The following PGPEP1L variants were observed in gnomAD, a reference collection of about 807,000 sequenced individuals.
PGPEP1L encodes pyroglutamyl-peptidase I like, also known as pyroglutamyl-peptidase 1-like protein.
Under a neutral mutation model 6.0 loss-of-function variants are expected in PGPEP1L, and 7 were observed. The ratio of observed to expected loss-of-function variants is 1.17; its 90% CI spans 0.66 to 2.19. The LOEUF (loss-of-function observed/expected upper bound fraction) is 2.19. Ranked by LOEUF, PGPEP1L falls within the 30% of genes most tolerant of loss-of-function variation. The pLI, the probability that PGPEP1L is intolerant of heterozygous loss-of-function variation, is 0.00. For synonymous variants in PGPEP1L, 103 were observed against 83.9 expected (o/e 1.23, Z -1.24); for missense variants, 209 against 192.5 (o/e 1.09, Z -0.51).
chr15:98,968,346 T>C lies in PGPEP1L; in HGVS notation c.*132A>G, dbSNP rs1245618399. The C allele has an allele frequency of 7.0e-6, 6 of 859,470 alleles. No homozygotes were observed. Among genetic ancestry groups the C allele is most frequent in the Non-Finnish European group, 1.1e-5 (6 of 553,378 alleles). 53.2% of individuals were successfully genotyped at this position (859,470 alleles called of 1,614,324 possible). On this transcript the variant is annotated 3_prime_UTR_variant, in exon 5 of 5. Coordinates refer to ENST00000535714, the MANE Select transcript of PGPEP1L (RefSeq NM_001167902.2). ...GACAATAAAATAACCCTTTGTGATT[T>C]TGTTGGGCTAATTCAGAGTTTTCCA... is the stretch of plus-strand genomic sequence containing the variant.
chr15:98,987,278 G>A (rs1555471609), intron 2 of PGPEP1L, among the ~76,000 whole-genome samples: 1 of 151,400 alleles, frequency 6.6e-6, no homozygotes, highest in Non-Finnish European at 1.5e-5. Flanking sequence ...CCCTGATATT[G>A]GAGTGTTGGT....
At chr15:98,974,205 C>T (rs1173596445) in intron 2 of PGPEP1L, among the ~76,000 whole-genome samples, 1 of 151,810 alleles carries the variant, frequency 6.6e-6, no homozygotes, top group Non-Finnish European at 1.5e-5. Context: ...GGCACGAACC[C>T]GTCTGTACTA....
chr15:98,997,171 C>G (rs2017899756), intron 2 of PGPEP1L, among the ~76,000 whole-genome samples: 1 of 152,162 alleles, frequency 6.6e-6, no homozygotes, highest in South Asian at 2.1e-4. Context: ...CCCATGAAAG[C>G]CCCAAGCTGG....
intron 2 of PGPEP1L, among the ~76,000 whole-genome samples, chr15:99,003,907 A>C (rs1485022314): frequency 6.8e-6 from 1 of 148,106 alleles, no homozygotes; most frequent in Non-Finnish European, 1.5e-5. Flanking sequence ...GAACCATTCA[A>C]TCTCCAGAAC....
intron 4 of PGPEP1L, 126 bp from the exon 5 acceptor site, chr15:98,968,823 TGTG>T: frequency 1.2e-6 from 1 of 864,826 alleles, no homozygotes; most frequent in South Asian, 1.6e-5. Flanking sequence ...AAGGGAGACT[TGTG>T]TTGTTTCACC....
At chr15:98,983,040 A>G (rs1803059183) in intron 2 of PGPEP1L, among the ~76,000 whole-genome samples, 1 of 152,154 alleles carries the variant, frequency 6.6e-6, no homozygotes, top group African/African-American at 2.4e-5. Context: ...TCAAGAAAAC[A>G]AAACAAACCC....
chr15:98,991,636 G>T (rs1339689014), intron 2 of PGPEP1L, among the ~76,000 whole-genome samples: 3 of 152,060 alleles, frequency 2.0e-5, no homozygotes, highest in African/African-American at 7.2e-5. Flanking sequence ...CAAAAACCTG[G>T]CAGACAAACA....
At chr15:98,987,080 T>C (rs970606882) in intron 2 of PGPEP1L, among the ~76,000 whole-genome samples, 2 of 141,174 alleles carry the variant, frequency 1.4e-5, no homozygotes, top group African/African-American at 2.7e-5. Flanking sequence ...GACAGGAGAA[T>C]TGCTTAAACC....
chr15:99,000,788 G>C (rs1192507046), intron 2 of PGPEP1L, among the ~76,000 whole-genome samples: 1 of 152,124 alleles, frequency 6.6e-6, no homozygotes, highest in Non-Finnish European at 1.5e-5. Flanking sequence ...AGCAGGATGT[G>C]GGTGGGGCCA....
At chr15:98,979,633 CTTTTTTTTTTTTTT>C (rs568793204) in intron 2 of PGPEP1L, among the ~76,000 whole-genome samples, 3 of 46,510 alleles carry the variant, frequency 6.5e-5, no homozygotes, top group Non-Finnish European at 9.4e-5. Context: ...GGAGACTATT[CTTTTTTTTTTTTTT>C]TTTTTTTTTT....
intron 2 of PGPEP1L, among the ~76,000 whole-genome samples, chr15:98,996,623 GTA>G (rs1555472525): frequency 1.4e-4 from 3 of 22,146 alleles, no homozygotes; most frequent in Non-Finnish European, 5.3e-4. Context: ...ATGCCTGCGT[GTA>G]TGTGTGTTGT....
chr15:98,976,922 C>T (rs1380442735), intron 2 of PGPEP1L, among the ~76,000 whole-genome samples: 4 of 151,164 alleles, frequency 2.6e-5, no homozygotes, highest in Admixed American at 2.6e-4. Context: ...GGGCCTCATG[C>T]TCCTCACCTG....
At chr15:98,989,694 T>C (rs1270667447) in intron 2 of PGPEP1L, among the ~76,000 whole-genome samples, 1 of 151,932 alleles carries the variant, frequency 6.6e-6, no homozygotes, top group African/African-American at 2.4e-5. Context: ...TTCACCATGG[T>C]TGAAATGAAG....
At chr15:98,985,705 G>A (rs1040265524) in intron 2 of PGPEP1L, among the ~76,000 whole-genome samples, 20 of 152,240 alleles carry the variant, frequency 1.3e-4, no homozygotes, top group Non-Finnish European at 2.9e-5. Context: ...CCACCACTTT[G>A]TGGTATGTGC....
At chr15:98,970,026 TTTTTATTTTATA>T (rs2151753357) in intron 3 of PGPEP1L, among the ~76,000 whole-genome samples, 1 of 152,196 alleles carries the variant, frequency 6.6e-6, no homozygotes, top group African/African-American at 2.4e-5. Flanking sequence ...ATCCTGAATC[TTTTTATTTTATA>T]TTTTATTTAT....
At chr15:98,977,896 A>G (rs1217864840) in intron 2 of PGPEP1L, among the ~76,000 whole-genome samples, 1 of 152,174 alleles carries the variant, frequency 6.6e-6, no homozygotes, top group East Asian at 1.9e-4. Context: ...TTATTTATTG[A>G]CCATGGTTCA....
At chr15:98,983,493 G>C (rs879232570) in intron 2 of PGPEP1L, among the ~76,000 whole-genome samples, 1 of 152,092 alleles carries the variant, frequency 6.6e-6, no homozygotes, top group African/African-American at 2.4e-5. Flanking sequence ...ACTGACCCTG[G>C]GTGTGTTTTC....
chr15:98,969,600 G>A lies in PGPEP1L; in HGVS notation c.34C>T (p.Gln12Ter), dbSNP rs771008610. ...DTAAKAIILE[Q>*]SGKNQGYRDA... ...CGGTAGCCTTGGTTCTTGCCAGACT[G>A]TTCCAGAATGATCGCCTTGGCGGCG... The change falls in exon 4 of 5, where the codon CAG becomes TAG. Residue 12 changes from glutamine (Q) to a stop codon, truncating the protein, a stop_gained. Transcript: ENST00000535714. LOFTEE classifies it high-confidence loss of function. The A allele has an allele frequency of 2.5e-6, 4 of 1,613,628 alleles. No individual in the cohort carries two copies. Among genetic ancestry groups the A allele is most frequent in the Non-Finnish European group, 2.5e-6 (3 of 1,179,894 alleles).
chr15:98,987,455 C>T (rs1161020174), intron 2 of PGPEP1L, among the ~76,000 whole-genome samples: 1 of 151,978 alleles, frequency 6.6e-6, no homozygotes, highest in Non-Finnish European at 1.5e-5. Flanking sequence ...CTTCCCAGGA[C>T]AGAAGTAAAG....
Sources: gnomAD v4.1 joint callset for allele counts (sites outside exome capture counted in the v4.1 genomes callset) on GRCh38, gnomAD v4.1.1 for gene constraint, MANE v1.5 for transcripts, NCBI Gene and HGNC (gene_info 2026-07-23, HGNC 2026-07-21) for gene names.